Variants in CDH13 observed in about 807,000 individuals in gnomAD.
CDH13 encodes the protein cadherin 13.
In CDH13, 24 loss-of-function variants were observed where a neutral mutation model predicts 63.8. The ratio of observed to expected loss-of-function variants is 0.38; its 90% confidence interval spans 0.27 to 0.53. The LOEUF is 0.53. Ranked by LOEUF, CDH13 falls within the 20% of genes least tolerant of loss-of-function variation. CDH13 has a pLI of 0.85. For synonymous variants in CDH13, 503 were observed against 355.3 expected (o/e 1.42, Z -4.67); for missense variants, 1,049 against 903.1 (o/e 1.16, Z -2.07).
At chr16:83,655,860 G>C (rs535787802) in intron 8 of CDH13, among the ~76,000 whole-genome samples, 2 of 152,342 alleles carry the variant, frequency 1.3e-5, no homozygotes, top group South Asian at 4.1e-4. Context: ...TAGAGAGAAA[G>C]TGGCAGGGGG....
chr16:82,844,124 G>A (rs1163099023), intron 1 of CDH13, among the ~76,000 whole-genome samples: 3 of 152,132 alleles, frequency 2.0e-5, no homozygotes, highest in Non-Finnish European at 4.4e-5. Flanking sequence ...TGAGTATGAT[G>A]TAATCACAAG....
chr16:83,741,235 G>T (rs1362079129), intron 10 of CDH13, among the ~76,000 whole-genome samples: 1 of 152,134 alleles, frequency 6.6e-6, no homozygotes, highest in Non-Finnish European at 1.5e-5. Context: ...TTTTAAGATA[G>T]TGTATTTCCT....
intron 1 of CDH13, among the ~76,000 whole-genome samples, chr16:82,851,991 G>C (rs2039509863): frequency 1.3e-5 from 2 of 152,112 alleles, no homozygotes; most frequent in African/African-American, 2.4e-5. Context: ...TGACAAGAAA[G>C]CAAAAAGAGT....
intron 8 of CDH13, among the ~76,000 whole-genome samples, chr16:83,659,783 A>G (rs1054113191): frequency 6.1e-5 from 8 of 131,386 alleles, no homozygotes; most frequent in Admixed American, 3.9e-4. Flanking sequence ...GCAGTCCACA[A>G]CCTTTTTTTT....
At chr16:83,773,527 C>T (rs1914898276) in intron 11 of CDH13, among the ~76,000 whole-genome samples, 2 of 152,124 alleles carry the variant, frequency 1.3e-5, no homozygotes, top group Admixed American at 6.5e-5. Context: ...TGAGAACTCA[C>T]TCACTATCAA....
chr16:82,949,603 G>A (rs774298129), intron 2 of CDH13, among the ~76,000 whole-genome samples: 14 of 152,118 alleles, frequency 9.2e-5, no homozygotes, highest in Non-Finnish European at 1.8e-4. Flanking sequence ...GATACTGGGT[G>A]AGATAAAAAC....
intron 1 of CDH13, among the ~76,000 whole-genome samples, chr16:82,678,489 A>G (rs959606259): frequency 2.0e-5 from 3 of 152,074 alleles, no homozygotes; most frequent in Non-Finnish European, 2.9e-5. Flanking sequence ...ATCTCTGGAG[A>G]CTTGTATAAT....
chr16:83,690,227 G>A (rs934169175), intron 10 of CDH13, among the ~76,000 whole-genome samples: 6 of 152,160 alleles, frequency 3.9e-5, no homozygotes, highest in African/African-American at 7.2e-5. Context: ...CTGTGGAAGA[G>A]AGAAAATGAA....
intron 6 of CDH13, among the ~76,000 whole-genome samples, chr16:83,346,622 G>A (rs1050216630): frequency 2.0e-5 from 3 of 152,080 alleles, no homozygotes; most frequent in African/African-American, 4.8e-5. Context: ...ATGATTAGAC[G>A]GTGTCCAATT....
intron 8 of CDH13, among the ~76,000 whole-genome samples, chr16:83,628,239 G>C (rs1454610466): frequency 1.3e-5 from 2 of 152,110 alleles, no homozygotes; most frequent in Non-Finnish European, 2.9e-5. Context: ...TGTTGATCTG[G>C]TTCAAACGCC....
Position 83,354,198 on chromosome 16 carries a change from C to T in CDH13, c.781+9192C>T, listed in dbSNP as rs111257326. 4.5e-3 allele frequency among the ~76,000 whole-genome samples: 686 copies of T among 152,290 alleles called. 7 individuals are homozygous for T. The highest frequency in any genetic ancestry group is 0.016 in the African/African-American group (655 of 41,570). ...GTCCTTGAGTTGTCCTAGCACAGAA[C>T]GTGCTCACCAGCGCCGTTGGATCCT... On this transcript the variant is annotated intron_variant, in intron 6 of 13. Coordinates refer to ENST00000567109, the MANE Select transcript of CDH13 (RefSeq NM_001257.5).
chr16:83,528,889 T>A (rs1003663351), intron 7 of CDH13, among the ~76,000 whole-genome samples: 5 of 152,234 alleles, frequency 3.3e-5, no homozygotes, highest in Admixed American at 3.3e-4. Context: ...CATGGCTATA[T>A]AACTGTTTAA....
At chr16:83,114,055 G>C (rs2035187916) in intron 3 of CDH13, among the ~76,000 whole-genome samples, 1 of 152,112 alleles carries the variant, frequency 6.6e-6, no homozygotes, top group Admixed American at 6.5e-5. Context: ...GATGAAAACT[G>C]TTACTTCTGT....
intron 1 of CDH13, among the ~76,000 whole-genome samples, chr16:82,816,766 C>T (rs1022848947): frequency 1.4e-5 from 2 of 140,268 alleles, no homozygotes; most frequent in African/African-American, 2.7e-5. Flanking sequence ...TTATCATCAC[C>T]GTCGTCACCA....
intron 8 of CDH13, chr16:83,654,740 T>G (rs539702854): frequency 6.6e-6 from 1 of 152,370 alleles, no homozygotes; most frequent in African/African-American, 2.4e-5. Context: ...ATTGCTCCAC[T>G]CACCCCATCA....
chr16:82,646,486 G>T (rs1197138402), intron 1 of CDH13, among the ~76,000 whole-genome samples: 4 of 152,158 alleles, frequency 2.6e-5, no homozygotes, highest in Admixed American at 1.3e-4. Context: ...GAGTCACCGC[G>T]CCTGGCCTAA....
At chr16:83,048,810 G>C (rs907397126) in intron 3 of CDH13, among the ~76,000 whole-genome samples, 2 of 151,932 alleles carry the variant, frequency 1.3e-5, no homozygotes, top group Non-Finnish European at 1.5e-5. Context: ...TCCTCCCCCA[G>C]CCTCCAAACG....
intron 8 of CDH13, among the ~76,000 whole-genome samples, chr16:83,647,826 T>C (rs1208090726): frequency 6.6e-6 from 1 of 152,160 alleles, no homozygotes; most frequent in Non-Finnish European, 1.5e-5. Context: ...AGGAGTCTCC[T>C]TGACTGGTCA....
chr16:82,650,084 A>G (rs944242622), intron 1 of CDH13, among the ~76,000 whole-genome samples: 18 of 152,238 alleles, frequency 1.2e-4, no homozygotes, highest in African/African-American at 4.3e-4. Context: ...CTGAGAAAGT[A>G]CACTTGGAGC....
Sources: allele counts gnomAD v4.1 joint callset (sites outside exome capture counted in the v4.1 genomes callset), GRCh38; gene constraint gnomAD v4.1.1; transcripts MANE v1.5; gene names NCBI Gene and HGNC (gene_info 2026-07-23, HGNC 2026-07-21).